RNLS: variants seen among roughly 807,000 people sequenced by gnomAD.
RNLS encodes renalase.
A neutral mutation model predicts 39.8 loss-of-function variants in RNLS; 39 were observed. The observed-to-expected ratio is 0.98, with a 90% CI of 0.76 to 1.28. The LOEUF (loss-of-function observed/expected upper bound fraction) is 1.28, where lower values mean the gene tolerates loss of function less well. Ranked by LOEUF, RNLS falls within the 50% of genes most tolerant of loss-of-function variation. The probability of loss-of-function intolerance (pLI) is 0.00; values close to 1 mark genes in which losing one functional copy is unlikely to be tolerated. For synonymous variants in RNLS, 147 were observed against 150.7 expected (o/e 0.98, Z 0.18); for missense variants, 410 against 413.3 (o/e 0.99, Z 0.07).
intron 4 of RNLS, among the ~76,000 whole-genome samples, chr10:88,520,865 T>C (rs1166101831): frequency 6.6e-6 from 1 of 151,992 alleles, no homozygotes; most frequent in Admixed American, 6.6e-5. Flanking sequence ...ATTTCACTTT[T>C]TTTCCCCTTC....
intron 4 of RNLS, among the ~76,000 whole-genome samples, chr10:88,530,988 A>G (rs1847388872): frequency 6.6e-6 from 1 of 152,168 alleles, no homozygotes; most frequent in African/African-American, 2.4e-5. Context: ...TTCACTTCTT[A>G]ATAAATAAAA....
chr10:88,467,813 TG>T (rs1564823204), intron 4 of RNLS, among the ~76,000 whole-genome samples: 1 of 152,174 alleles, frequency 6.6e-6, no homozygotes, highest in Admixed American at 6.6e-5. Context: ...GTGGGGACCA[TG>T]GACCAGCAAC....
the RNLS span, among the ~76,000 whole-genome samples, chr10:88,245,173 T>C: frequency 0.059 from 8,952 of 152,368 alleles, 385 homozygotes; most frequent in Non-Finnish European, 0.093. Flanking sequence ...ATGTGACTTT[T>C]GTGAAGAGCA....
In RNLS at chr10:88,356,686, G is replaced by T. The variant is rs531013385; in HGVS notation, c.700+5866C>A. 3.3e-4 allele frequency among the ~76,000 whole-genome samples: 50 copies of T among 152,282 alleles called. 1 individual carries two copies. The highest frequency in any genetic ancestry group is 5.7e-4 in the Non-Finnish European group (39 of 68,004). ...AATTCTATGAATACATTCTAAGTTTGTTCATTTGCTTTTCTTCTTTTAAGA... is the reference window on the plus strand; with the variant it reads ...AATTCTATGAATACATTCTAAGTTTTTTCATTTGCTTTTCTTCTTTTAAGA... On this transcript the variant is annotated intron_variant, in intron 5 of 6. Transcript: ENST00000331772.
chr10:88,331,783 C>T (rs1426619), intron 5 of RNLS, among the ~76,000 whole-genome samples: 60,366 of 151,906 alleles, frequency 0.4, 12,347 homozygotes, highest in East Asian at 0.53. Context: ...CCTCTAGCCA[C>T]GAGAGTTACT....
At chr10:88,527,213 T>G (rs1169632639) in intron 4 of RNLS, among the ~76,000 whole-genome samples, 1 of 152,198 alleles carries the variant, frequency 6.6e-6, no homozygotes, top group Non-Finnish European at 1.5e-5. Context: ...CAGCTTCATT[T>G]TGCCAGACCT....
chr10:88,298,296 GT>G (rs1844238116), intron 6 of RNLS, among the ~76,000 whole-genome samples: 1 of 151,802 alleles, frequency 6.6e-6, no homozygotes, highest in East Asian at 1.9e-4. Flanking sequence ...TCTTTTCACT[GT>G]TTTGATAATA....
At chr10:88,494,478 C>T (rs1845060624) in intron 4 of RNLS, among the ~76,000 whole-genome samples, 1 of 152,046 alleles carries the variant, frequency 6.6e-6, no homozygotes, top group Non-Finnish European at 1.5e-5. Flanking sequence ...TTATTATTTT[C>T]TTTTCATTTC....
intron 4 of RNLS, among the ~76,000 whole-genome samples, chr10:88,402,925 C>T (rs1477951760): frequency 6.6e-6 from 1 of 151,822 alleles, no homozygotes; most frequent in Non-Finnish European, 1.5e-5. Context: ...ATTAACAGAC[C>T]TCAGCAATAG....
chr10:88,186,607 A>G, the RNLS span, among the ~76,000 whole-genome samples: 6 of 152,210 alleles, frequency 3.9e-5, no homozygotes, highest in Non-Finnish European at 7.3e-5. Flanking sequence ...CTGCTGGGTA[A>G]AGCACATTGC....
intron 4 of RNLS, among the ~76,000 whole-genome samples, chr10:88,544,558 A>G (rs1848201497): frequency 6.6e-6 from 1 of 152,202 alleles, no homozygotes; most frequent in African/African-American, 2.4e-5. Flanking sequence ...TCAAACTAAA[A>G]GTTTTGACTC....
chr10:88,487,413 A>G (rs1488693492), intron 4 of RNLS, among the ~76,000 whole-genome samples: 1 of 152,144 alleles, frequency 6.6e-6, no homozygotes, highest in Non-Finnish European at 1.5e-5. Context: ...AAAAAAATGC[A>G]TAAAAGATTT....
the RNLS span, among the ~76,000 whole-genome samples, chr10:88,197,876 TC>T: frequency 1.3e-5 from 2 of 152,164 alleles, no homozygotes; most frequent in Non-Finnish European, 2.9e-5. Flanking sequence ...CACCAGAAAC[TC>T]ACCATACTGG....
intron 4 of RNLS, among the ~76,000 whole-genome samples, chr10:88,534,751 C>A (rs1483569568): frequency 6.6e-6 from 1 of 152,026 alleles, no homozygotes; most frequent in Non-Finnish European, 1.5e-5. Flanking sequence ...TAGAAAGGAC[C>A]AAAAGCAGGA....
At chr10:88,320,762 G>C (rs947459678) in intron 5 of RNLS, among the ~76,000 whole-genome samples, 10 of 149,550 alleles carry the variant, frequency 6.7e-5, no homozygotes, top group African/African-American at 2.5e-4. Context: ...TATTTTAAAT[G>C]TATGTTTACT....
intron 4 of RNLS, among the ~76,000 whole-genome samples, chr10:88,407,645 A>G (rs1231584247): frequency 6.6e-6 from 1 of 152,076 alleles, no homozygotes; most frequent in African/African-American, 2.4e-5. Flanking sequence ...AAGGGTAAAT[A>G]AAACAGTCAC....
the RNLS span, among the ~76,000 whole-genome samples, chr10:88,183,563 T>C: frequency 6.6e-6 from 1 of 152,148 alleles, no homozygotes; most frequent in East Asian, 1.9e-4. Context: ...TGATTTCTCA[T>C]GTTTTACAGA....
chr10:88,325,337 C>G (rs2133121676), intron 5 of RNLS, among the ~76,000 whole-genome samples: 1 of 152,174 alleles, frequency 6.6e-6, no homozygotes, highest in South Asian at 2.1e-4. Context: ...TTAATAATAG[C>G]CATCCTAATG....
chr10:88,349,683 CA>C (rs1336344093), intron 5 of RNLS, among the ~76,000 whole-genome samples: 4 of 151,818 alleles, frequency 2.6e-5, no homozygotes, highest in East Asian at 1.9e-4. Flanking sequence ...ATTTAAATAA[CA>C]AAAAATATTT....
Sources: allele counts gnomAD v4.1 joint callset (sites outside exome capture counted in the v4.1 genomes callset), GRCh38; gene constraint gnomAD v4.1.1; transcripts MANE v1.5; gene names NCBI Gene and HGNC (gene_info 2026-07-23, HGNC 2026-07-21).